Variants in ATP13A5 observed in about 807,000 individuals in gnomAD.
ATP13A5 encodes ATPase 13A5.
ATP13A5 carries 149 observed loss-of-function variants against 150.2 expected under a neutral mutation model. The ratio of observed to expected loss-of-function variants is 0.99; its 90% CI spans 0.87 to 1.14. The LOEUF is 1.14. Among genes scored for constraint, ATP13A5 ranks in the 50% most tolerant of loss-of-function variants. ATP13A5 has a pLI of 0.00. For missense variants in ATP13A5, 1,383 were observed against 1,449.3 expected (o/e 0.95, Z 0.74); for synonymous variants, 497 against 522.2 (o/e 0.95, Z 0.66).
intron 13 of ATP13A5, 30 bp downstream of exon 13, chr3:193,326,966 A>G: frequency 1.2e-6 from 2 of 1,604,162 alleles, no homozygotes; most frequent in Non-Finnish European, 1.7e-6. Context: ...TCCACCAAAC[A>G]CACCTTCCAT....
At position 193,290,075 on chromosome 3, in the gene ATP13A5, A is replaced by T; in HGVS notation, c.2849-16T>A. 6.3e-7 allele frequency: 1 copy of T among 1,585,140 alleles called. No homozygotes were observed. The highest frequency in any genetic ancestry group is 8.6e-7 in the Non-Finnish European group (1 of 1,169,204). ...GTTGAACTCACTGAAAGACAAATAC[A>T]TTTTTTTCCTATTACAATCTTATCA... On this transcript the variant is annotated splice_polypyrimidine_tract_variant and intron_variant, in intron 25 of 29. Coordinates refer to ENST00000342358, the MANE Select transcript of ATP13A5 (RefSeq NM_198505.4).
chr3:193,304,226 C>T (rs1718522081), intron 23 of ATP13A5, among the ~76,000 whole-genome samples: 2 of 152,136 alleles, frequency 1.3e-5, no homozygotes, highest in South Asian at 4.1e-4. Context: ...ACCTCAATGG[C>T]AGACTCCAAG....
At chr3:193,373,547 CA>C (rs1713528387) in intron 1 of ATP13A5, among the ~76,000 whole-genome samples, 1 of 408 alleles carries the variant, frequency 2.5e-3, no homozygotes, top group Non-Finnish European at 4.4e-3. Context: ...AAAAAGAGAA[CA>C]TATCCTCAAC....
At chr3:193,348,232 C>G (rs1191632901) in intron 7 of ATP13A5, among the ~76,000 whole-genome samples, 1 of 152,196 alleles carries the variant, frequency 6.6e-6, no homozygotes, top group Admixed American at 6.5e-5. Context: ...TTAGTTTCTT[C>G]TGTCCCTGTT....
Position 193,327,012 on chromosome 3 carries a change from G to T in ATP13A5, c.1507C>A (p.Pro503Thr). The change falls in exon 13 of 30, where the codon CCT becomes ACT. Residue 503 changes from proline to threonine, a missense_variant. This residue lies in a region of ATP13A5 where 787 missense variants were observed against 771.9 expected (regional missense o/e 1.02). Coordinates refer to ENST00000342358, the MANE Select transcript of ATP13A5 (RefSeq NM_198505.4). Reference protein sequence around the residue: ...EDGLDLWGTVPTADNCFQEAH... With the variant: ...EDGLDLWGTVTTADNCFQEAH... ...GAGGCCTACCAGTTGTCAGCAGTAG[G>T]GACAGTCCCCCAGAGGTCCAGCCCA... 1 of 1,613,682 alleles carries T rather than the reference G, an allele frequency of 6.2e-7. No homozygotes were observed. Among genetic ancestry groups the T allele is most frequent in the South Asian group, 1.1e-5 (1 of 90,970 alleles).
intron 11 of ATP13A5, among the ~76,000 whole-genome samples, chr3:193,331,937 A>T (rs1711643779): frequency 6.6e-6 from 1 of 152,226 alleles, no homozygotes; most frequent in South Asian, 2.1e-4. Flanking sequence ...CAGAAATCTG[A>T]ACCCTATTCT....
At chr3:193,289,110 T>C (rs1294133624) in intron 26 of ATP13A5, among the ~76,000 whole-genome samples, 1 of 152,174 alleles carries the variant, frequency 6.6e-6, no homozygotes, top group Non-Finnish European at 1.5e-5. Flanking sequence ...TACTGATTTC[T>C]GGTGCTCTGT....
At chr3:193,327,158 A>T in intron 12 of ATP13A5, 101 bp from the exon 13 acceptor site, 1 of 1,057,708 alleles carries the variant, frequency 9.5e-7, no homozygotes, top group South Asian at 1.5e-5. Context: ...TAGTAGATCC[A>T]GTAGTCTAAA....
At chr3:193,324,175 T>C (rs2108865575) in intron 14 of ATP13A5, among the ~76,000 whole-genome samples, 2 of 152,302 alleles carry the variant, frequency 1.3e-5, no homozygotes, top group South Asian at 4.1e-4. Flanking sequence ...GGTTTTCCAC[T>C]ATGGCAGCCT....
rs1719171153 is a variant in ATP13A5, at chr3:193,319,251, G to T, written c.1916-143C>A. The T allele has an allele frequency of 8.0e-6, 5 of 625,438 alleles. No individual in the cohort carries two copies. The Admixed American group carries it at 1.3e-4, about 17-fold the overall frequency. The allele number at this position is 625,438 out of a possible 1,614,324, so 38.7% of individuals were successfully genotyped here. A position where few individuals can be genotyped will look rare whatever the true frequency, so the allele number is the denominator to read the frequency against. On this transcript the variant is annotated intron_variant, in intron 16 of 29. Coordinates refer to ENST00000342358, the MANE Select transcript of ATP13A5 (RefSeq NM_198505.4). ...TAGAAAACTTAGAGCTTCTCCTAAA[G>T]GCCACAAACAACTTCATCAGTGTGT...
chr3:193,278,282 A>G (rs1163457275), intron 28 of ATP13A5, among the ~76,000 whole-genome samples: 1 of 152,166 alleles, frequency 6.6e-6, no homozygotes, highest in Non-Finnish European at 1.5e-5. Context: ...TCTCACATGT[A>G]GTCTTCCTGC....
Position 193,279,459 on chromosome 3 carries a change from G to A in ATP13A5, c.3227-5C>T, listed in dbSNP as rs200154717. 38 of 1,607,880 alleles carry A rather than the reference G, an allele frequency of 2.4e-5. No individual in the cohort carries two copies. The Admixed American group carries it at 6.2e-4, about 26-fold the overall frequency. ...GCAGCAGAAATGAAAATATATCTGA[G>A]GAAATACCAAACATTATTTTTAGAT... On this transcript the variant is annotated splice_region_variant and splice_polypyrimidine_tract_variant and intron_variant, in intron 27 of 29. Transcript: ENST00000342358.
At chr3:193,342,015 C>T (rs1436664308) in intron 9 of ATP13A5, among the ~76,000 whole-genome samples, 1 of 152,202 alleles carries the variant, frequency 6.6e-6, no homozygotes, top group African/African-American at 2.4e-5. Flanking sequence ...AATGCCACCT[C>T]CAATTCTGAT....
chr3:193,377,309 A>G (rs139742216), intron 1 of ATP13A5, among the ~76,000 whole-genome samples: 2 of 152,352 alleles, frequency 1.3e-5, no homozygotes, highest in African/African-American at 4.8e-5. Context: ...TTAGCGTGCT[A>G]CAATAATGCA....
chr3:193,305,586 T>C lies in ATP13A5; in HGVS notation c.2651A>G (p.Asn884Ser). ...GATGAGATGAGGCACACACTGGATG[T>C]TGGTTGTTTTAGAGGTAAAAGGGGA... ...VASPFTSKTT[N>S]IQCVPHLIRE... The change falls in exon 23 of 30, where the codon AAC becomes AGC. Residue 884 changes from asparagine (N) to serine (S), a missense_variant. Asn to Ser is a conservative substitution (Grantham distance 46, BLOSUM62 1). Coordinates refer to ENST00000342358, the MANE Select transcript of ATP13A5 (RefSeq NM_198505.4). The C allele has an allele frequency of 6.2e-7, 1 of 1,613,890 alleles. No homozygotes were observed. Among genetic ancestry groups the C allele is most frequent in the East Asian group, 2.2e-5 (1 of 44,866 alleles).
At chr3:193,287,147 G>A (rs1312948855) in intron 26 of ATP13A5, among the ~76,000 whole-genome samples, 1 of 152,122 alleles carries the variant, frequency 6.6e-6, no homozygotes, top group African/African-American at 2.4e-5. Context: ...TCCTAAGACT[G>A]AGAGAAAGAA....
intron 27 of ATP13A5, chr3:193,281,076 G>C (rs1452010193): frequency 2.3e-6 from 1 of 441,734 alleles, no homozygotes; most frequent in Non-Finnish European, 3.0e-6. Context: ...TGCTTGGGAA[G>C]GGTATGAGGC....
At chr3:193,355,691 C>G (rs1409231825) in intron 5 of ATP13A5, among the ~76,000 whole-genome samples, 1 of 152,202 alleles carries the variant, frequency 6.6e-6, no homozygotes, top group Non-Finnish European at 1.5e-5. Flanking sequence ...CCATCACGCT[C>G]TTTGACTTCT....
intron 5 of ATP13A5, among the ~76,000 whole-genome samples, chr3:193,360,224 G>A (rs1027216083): frequency 5.3e-5 from 8 of 152,156 alleles, no homozygotes; most frequent in African/African-American, 1.4e-4. Context: ...ATTTCTCTCC[G>A]GGGTAAAGTT....
Sources: gnomAD v4.1 joint callset for allele counts (sites outside exome capture counted in the v4.1 genomes callset) on GRCh38, gnomAD v4.1.1 for gene constraint, gnomAD v4.1.1 regional missense constraint, MANE v1.5 for transcripts, NCBI Gene and HGNC (gene_info 2026-07-23, HGNC 2026-07-21) for gene names.